Variants in TET3 observed in about 807,000 individuals in gnomAD.
The protein encoded by TET3 is tet methylcytosine dioxygenase 3.
Under a neutral mutation model 141.4 loss-of-function variants are expected in TET3, and 19 were observed. That is an observed-to-expected ratio of 0.13 (90% CI 0.09 to 0.20). The LOEUF is 0.20. Ranked by LOEUF, TET3 falls within the 10% of genes least tolerant of loss-of-function variation. TET3 has a pLI of 1.00. For synonymous variants in TET3, 1,043 were observed against 980.9 expected (o/e 1.06, Z -1.18); for missense variants, 1,874 against 2,356.9 (o/e 0.80, Z 4.24).
intron 3 of TET3, among the ~76,000 whole-genome samples, chr2:74,016,583 G>A (rs963293158): frequency 7.9e-5 from 12 of 152,020 alleles, no homozygotes; most frequent in Non-Finnish European, 1.5e-4. Context: ...TTAGCCAGGC[G>A]TGGTGGTGCA....
intron 5 of TET3, among the ~76,000 whole-genome samples, chr2:74,075,114 C>T (rs2103951947): frequency 6.6e-6 from 1 of 152,172 alleles, no homozygotes; most frequent in East Asian, 1.9e-4. Flanking sequence ...TTGTGATCCG[C>T]CCGCCTCGGC....
intron 3 of TET3, among the ~76,000 whole-genome samples, chr2:74,026,412 C>T (rs968865920): frequency 6.6e-6 from 1 of 152,074 alleles, no homozygotes; most frequent in Non-Finnish European, 1.5e-5. Context: ...GATTGTTAAT[C>T]CCCAGTCAGA....
rs746985832 is a variant in TET3, at chr2:74,099,604, C to T, written c.3596C>T (p.Ser1199Leu). The stretch of plus-strand genomic sequence containing the variant: ...GCCCTGGAGCTGGCGGGCATTACGT[C>T]GGACCCAGGTGTGTGGGGGGAGGGT... ...QEALELAGIT[S>L]DPGLSLKGGL... Residue 1199 changes from serine (S) to leucine (L), a missense_variant, in exon 11 of 12, where the codon TCG (serine) becomes TTG (leucine). By Grantham distance (145) the Ser-to-Leu change is moderately radical. Coordinates refer to ENST00000409262, the MANE Select transcript of TET3 (RefSeq NM_001287491.2). 24 of 1,572,250 alleles carry T rather than the reference C, an allele frequency of 1.5e-5. No individual in the cohort carries two copies. The highest frequency in any genetic ancestry group is 5.8e-5 in the South Asian group (5 of 85,808).
intron 4 of TET3, among the ~76,000 whole-genome samples, chr2:74,071,675 T>C (rs369710239): frequency 4.6e-5 from 7 of 152,224 alleles, no homozygotes; most frequent in Non-Finnish European, 1.0e-4. Context: ...TTTTCAGTCA[T>C]AGGACCCAAT....
intron 2 of TET3, chr2:74,002,672 C>A (rs1403864092): frequency 2.4e-6 from 1 of 408,622 alleles, no homozygotes; most frequent in Non-Finnish European, 4.3e-6. Context: ...GCACACCAGC[C>A]CCGCGGCGGG....
In TET3 at chr2:74,103,201, G is replaced by A. The variant is rs1691328606; in HGVS notation, c.*1025G>A. On this transcript the variant is annotated 3_prime_UTR_variant, in exon 12 of 12. Coordinates refer to ENST00000409262, the MANE Select transcript of TET3 (RefSeq NM_001287491.2). ...ATGCTGATACTGAAAAAGGGCTACT[G>A]TATCTTTAAAAACAGGAAGTTGAAC... The A allele has an allele frequency of 6.6e-6, 1 of 152,348 alleles. No homozygotes were observed. The highest frequency in any genetic ancestry group is 1.5e-5 in the Non-Finnish European group (1 of 68,096). 9.4% of individuals were successfully genotyped at this position (152,348 alleles called of 1,614,324 possible).
In TET3 at chr2:74,048,272, C is replaced by T. The variant is rs1687757330; in HGVS notation, c.2355C>T (p.Thr785=). The T allele has an allele frequency of 1.9e-6, 3 of 1,613,780 alleles. No individual in the cohort carries two copies. In the Admixed American group the frequency reaches 5.0e-5, roughly 27 times the overall value. The part of the protein sequence containing the change: ...SEEGGQEATP[T]KAENPLTPTL... ...AGGGAGGACAGGAGGCCACACCCAC[C>T]AAGGCTGAGAACCCACTCACACCCA... Residue 785 remains threonine, a synonymous_variant, in exon 4 of 12, where the codon ACC becomes ACT. Transcript: ENST00000409262.
At position 74,093,396 on chromosome 2, in the gene TET3, C is replaced by T; in HGVS notation, c.3130-133C>T. 4.8e-6 allele frequency: 6 copies of T among 1,262,848 alleles called. No individual in the cohort carries two copies. Among genetic ancestry groups the T allele is most frequent in the Non-Finnish European group, 6.3e-6 (6 of 949,752 alleles). The allele number at this position is 1,262,848 out of a possible 1,614,324, so 78.2% of individuals were successfully genotyped here. ...CTGGGGCCTCTCAGCCAGAAAACCTCCCTCCTGCAGTCGAAGGGCAAGGTG... is the reference window on the plus strand; with the variant it reads ...CTGGGGCCTCTCAGCCAGAAAACCTTCCTCCTGCAGTCGAAGGGCAAGGTG... On this transcript the variant is annotated intron_variant, in intron 9 of 11. Transcript: ENST00000409262. This position sits in a 1 kb window ranked among gnomAD's most constrained non-coding sequence, Gnocchi z 4.2.
At chr2:74,003,567 T>A (rs567097190) in intron 3 of TET3, among the ~76,000 whole-genome samples, 2 of 11,432 alleles carry the variant, frequency 1.7e-4, no homozygotes, top group South Asian at 2.9e-3. Context: ...GGAGGGGGGG[T>A]GGGGGGGCGT....
At position 74,093,466 on chromosome 2, in the gene TET3, G is replaced by T; in HGVS notation, c.3130-63G>T. ...CTCCTTCCAAGACCTGGCCTCCCCA[G>T]GTGCAGAATCGGGGCCACTCACCTC... is the stretch of plus-strand genomic sequence containing the variant. On this transcript the variant is annotated intron_variant, in intron 9 of 11. Transcript: ENST00000409262. The surrounding 1 kb of genome is among the most constrained non-coding windows in gnomAD (Gnocchi z 4.2). 6.7e-7 allele frequency: 1 copy of T among 1,495,782 alleles called. No individual in the cohort carries two copies. 92.7% of individuals were successfully genotyped at this position (1,495,782 alleles called of 1,614,324 possible).
At position 74,101,998 on chromosome 2, in the gene TET3, C is replaced by A; in HGVS notation, c.5210C>A (p.Ala1737Asp). ...CGGCTGGGCCTGGGCCAGCAGGAGG[C>A]CAAGCTCTACGGGAAGAAGCGCAAG... ...AARLGLGQQE[A>D]KLYGKKRKWG... The change falls in exon 12 of 12, where the codon GCC becomes GAC. Residue 1737 changes from alanine to aspartate, a missense_variant. Around this residue, in one of 10 missense-constraint regions of TET3, gnomAD observed 113 missense variants for 114.3 expected, o/e 0.99. Transcript: ENST00000409262. This position sits in a 1 kb window ranked among gnomAD's most constrained non-coding sequence, Gnocchi z 8.5. The A allele has an allele frequency of 6.3e-7, 1 of 1,598,928 alleles. No homozygotes were observed. Among genetic ancestry groups the A allele is most frequent in the Non-Finnish European group, 8.5e-7 (1 of 1,170,684 alleles).
intron 2 of TET3, among the ~76,000 whole-genome samples, chr2:74,000,676 C>G (rs1684803153): frequency 6.6e-6 from 1 of 152,058 alleles, no homozygotes. Context: ...CTGGGGTTGG[C>G]AGAGACAGAC....
Position 74,096,559 on chromosome 2 carries a change from G to A in TET3, c.3268-2717G>A, listed in dbSNP as rs191570175. Among the ~76,000 whole-genome samples, 55 of 152,024 alleles carry A rather than the reference G, an allele frequency of 3.6e-4. No homozygotes were observed. The East Asian group carries it at 7.5e-3, about 21-fold the overall frequency. ...AGATGGGTGGATCACCTGAGGTCAG[G>A]AGTTTGTGACCAGCCTGGTCAACAT... is the stretch of plus-strand genomic sequence containing the variant. On this transcript the variant is annotated intron_variant, in intron 10 of 11. Transcript: ENST00000409262.
rs1415663096 is a variant in TET3, at chr2:74,080,449, T to C, written c.2586-49T>C. On this transcript the variant is annotated intron_variant, in intron 5 of 11. Coordinates refer to ENST00000409262, the MANE Select transcript of TET3 (RefSeq NM_001287491.2). ...GCTGTCTTCTGACCAAAAGTTGTTC[T>C]CCTTTGGGGTTCTGCTGTGCTAATG... The C allele has an allele frequency of 1.9e-6, 3 of 1,547,982 alleles. No homozygotes were observed. The Admixed American group carries it at 5.5e-5, about 28-fold the overall frequency.
intron 4 of TET3, among the ~76,000 whole-genome samples, chr2:74,051,387 C>T (rs1437622525): frequency 6.6e-6 from 1 of 152,174 alleles, no homozygotes; most frequent in Admixed American, 6.5e-5. Context: ...ACAATCATCT[C>T]AGTTGAGTTT....
chr2:74,005,110 C>T (rs1203754031), intron 3 of TET3, among the ~76,000 whole-genome samples: 2 of 152,178 alleles, frequency 1.3e-5, no homozygotes, highest in African/African-American at 2.4e-5. Flanking sequence ...CTGGCAGACC[C>T]GCTTCTCTTC....
At chr2:74,048,766 T>A (rs910921336) in intron 4 of TET3, among the ~76,000 whole-genome samples, 2 of 152,084 alleles carry the variant, frequency 1.3e-5, no homozygotes, top group Admixed American at 6.6e-5. Flanking sequence ...GGCAACAGCT[T>A]AGTGGCTATG....
chr2:74,038,187 G>A (rs941897963), intron 3 of TET3, among the ~76,000 whole-genome samples: 1 of 152,190 alleles, frequency 6.6e-6, no homozygotes, highest in African/African-American at 2.4e-5. Context: ...GCTCTCTGAA[G>A]GTGGGAAATG....
chr2:73,986,672 A>C lies in TET3; in HGVS notation c.269A>C (p.Glu90Ala). 8.1e-7 allele frequency: 1 copy of C among 1,232,034 alleles called. No individual in the cohort carries two copies. Among genetic ancestry groups the C allele is most frequent in the East Asian group, 3.2e-5 (1 of 31,706 alleles). 76.3% of individuals were successfully genotyped at this position (1,232,034 alleles called of 1,614,324 possible). ...THQICKLRKC[E>A]VLKKKVGLLK... ...CAGATCTGCAAACTGCGAAAATGTG[A>C]GGTGCTGAAGAAAAAAGTAGGGCTT... The change falls in exon 2 of 12, where the codon GAG becomes GCG. Residue 90 changes from glutamate to alanine, a missense_variant. Transcript: ENST00000409262.
Sources: gnomAD v4.1 joint callset for allele counts (sites outside exome capture counted in the v4.1 genomes callset) on GRCh38, gnomAD v4.1.1 for gene constraint, gnomAD v4.1.1 regional missense constraint, Gnocchi (gnomAD v3.1) non-coding constraint, MANE v1.5 for transcripts, NCBI Gene and HGNC (gene_info 2026-07-23, HGNC 2026-07-21) for gene names.